Variants in VGLL4 observed in about 807,000 individuals in gnomAD.
The protein encoded by VGLL4 is vestigial like family member 4.
In VGLL4, 7 loss-of-function variants were observed where a neutral mutation model predicts 21.0. The observed-to-expected ratio is 0.33, with a 90% CI of 0.19 to 0.63. The LOEUF (loss-of-function observed/expected upper bound fraction) is 0.63, where lower values mean the gene tolerates loss of function less well. Among genes scored for constraint, VGLL4 ranks in the 20% least tolerant of loss-of-function variants. The pLI is 0.78. For missense variants in VGLL4, 394 were observed against 425.7 expected (o/e 0.93, Z 0.66); for synonymous variants, 222 against 173.2 (o/e 1.28, Z -2.21).
chr3:11,558,432 G>A lies in VGLL4; in HGVS notation c.*124C>T. 2.2e-6 allele frequency: 3 copies of A among 1,393,704 alleles called. No individual in the cohort carries two copies. Among genetic ancestry groups the A allele is most frequent in the Non-Finnish European group, 9.5e-7 (1 of 1,055,152 alleles). The allele number at this position is 1,393,704 out of a possible 1,614,324, so 86.3% of individuals were successfully genotyped here. ...CACAAATCCCAACAACATGGTTTTT[G>A]CAAATAAACCATCCCTTCCCTTCCC... On this transcript the variant is annotated 3_prime_UTR_variant, in exon 5 of 5. Transcript: ENST00000430365.
At chr3:11,621,534 C>A (rs1197391019) in intron 1 of VGLL4, among the ~76,000 whole-genome samples, 1 of 152,218 alleles carries the variant, frequency 6.6e-6, no homozygotes, top group Non-Finnish European at 1.5e-5. Context: ...AATAATATTT[C>A]ATCGTATGGA....
chr3:11,638,095 A>G (rs184253326), intron 1 of VGLL4, among the ~76,000 whole-genome samples: 279 of 152,338 alleles, frequency 1.8e-3, no homozygotes, highest in Middle Eastern at 6.8e-3. Context: ...GAAAAAATCC[A>G]GTTTTCTGCA....
intron 1 of VGLL4, among the ~76,000 whole-genome samples, chr3:11,706,365 G>T (rs887481272): frequency 6.6e-6 from 1 of 152,198 alleles, no homozygotes; most frequent in Non-Finnish European, 1.5e-5. Flanking sequence ...TCAGCAAAGT[G>T]CCCAGAAAAG....
At chr3:11,638,648 C>T (rs957150861) in intron 1 of VGLL4, among the ~76,000 whole-genome samples, 1 of 152,214 alleles carries the variant, frequency 6.6e-6, no homozygotes, top group Middle Eastern at 3.4e-3. Flanking sequence ...TGTTCTACCT[C>T]GGAATACATC....
chr3:11,583,157 T>C (rs545078534), intron 2 of VGLL4, among the ~76,000 whole-genome samples: 1 of 152,322 alleles, frequency 6.6e-6, no homozygotes, highest in Non-Finnish European at 1.5e-5. Context: ...AACAAGACCC[T>C]GATATACCCA....
chr3:11,627,580 A>C (rs1465938603), intron 1 of VGLL4, among the ~76,000 whole-genome samples: 1 of 134,602 alleles, frequency 7.4e-6, no homozygotes, highest in East Asian at 2.1e-4. Context: ...GAGTGACAAG[A>C]GTGAAACTTC....
intron 2 of VGLL4, among the ~76,000 whole-genome samples, chr3:11,654,396 C>G (rs2075925688): frequency 6.6e-6 from 1 of 152,174 alleles, no homozygotes; most frequent in Admixed American, 6.5e-5. Flanking sequence ...AAGCAGGCTC[C>G]TTGGCTCCTC....
Position 11,585,893 on chromosome 3 carries a change from C to G in VGLL4, c.272+15940G>C, listed in dbSNP as rs115085350. On this transcript the variant is annotated intron_variant, in intron 2 of 4. Coordinates refer to ENST00000430365, the MANE Select transcript of VGLL4 (RefSeq NM_001128219.3). ...CTTTATCATATACAACGTCACCCCT[C>G]CCAGTGCTGATGGACAGGCGACCCC... Among the ~76,000 whole-genome samples the G allele has an allele frequency of 6.1e-3, 930 of 152,248 alleles. 10 individuals are homozygous for G. The highest frequency in any genetic ancestry group is 0.022 in the African/African-American group (899 of 41,546).
At chr3:11,615,562 T>C (rs2075146483) in intron 1 of VGLL4, among the ~76,000 whole-genome samples, 1 of 152,236 alleles carries the variant, frequency 6.6e-6, no homozygotes, top group African/African-American at 2.4e-5. Context: ...CCTTGCTCTG[T>C]TAGAAACAAG....
intron 1 of VGLL4, among the ~76,000 whole-genome samples, chr3:11,713,775 A>G (rs77565231): frequency 0.019 from 2,857 of 151,936 alleles, 103 homozygotes; most frequent in East Asian, 0.12. Context: ...GTATAGCAGG[A>G]ACAGGTAACC....
intron 3 of VGLL4, 86 bp downstream of exon 3, chr3:11,564,711 T>TCCCACACCAC: frequency 7.2e-7 from 1 of 1,380,782 alleles, no homozygotes; most frequent in Non-Finnish European, 9.8e-7. Flanking sequence ...ACCACCGCCC[T>TCCCACACCAC]CGGAGTCCTC....
chr3:11,582,925 C>G (rs890565741), intron 2 of VGLL4, among the ~76,000 whole-genome samples: 23 of 152,198 alleles, frequency 1.5e-4, no homozygotes. Context: ...CAGGCTGCCA[C>G]AGATGGTGAC....
chr3:11,573,348 AAAGAAAGAAAG>A (rs2073922937), intron 2 of VGLL4, among the ~76,000 whole-genome samples: 1 of 97,298 alleles, frequency 1.0e-5, no homozygotes, highest in African/African-American at 3.3e-5. Context: ...AGAAAGAAAG[AAAGAAAGAAAG>A]AAAGAAAGAA....
intron 1 of VGLL4, among the ~76,000 whole-genome samples, chr3:11,716,604 C>G (rs1401473768): frequency 6.6e-6 from 1 of 152,146 alleles, no homozygotes; most frequent in East Asian, 1.9e-4. Context: ...GGCTATTAGA[C>G]CTGAGGCATG....
In VGLL4 at chr3:11,568,513, G is replaced by A. The variant is rs977358512; in HGVS notation, c.273-3494C>T. The A allele has an allele frequency of 1.4e-5, 21 of 1,496,158 alleles. No homozygotes were observed. Among genetic ancestry groups the A allele is most frequent in the Non-Finnish European group, 1.7e-5 (19 of 1,097,494 alleles). 92.7% of individuals were successfully genotyped at this position (1,496,158 alleles called of 1,614,324 possible). A position where few individuals can be genotyped will look rare whatever the true frequency, so the allele number is the denominator to read the frequency against. The stretch of plus-strand genomic sequence containing the variant: ...GACAGTCCGTGGAACACAGCACAGT[G>A]GGCACTATGGGTCAGACAAAGACAC... On this transcript the variant is annotated intron_variant, in intron 2 of 4. Transcript: ENST00000430365. The surrounding 1 kb of genome is among the most constrained non-coding windows in gnomAD (Gnocchi z 5.9).
chr3:11,671,274 C>G (rs1188503370), intron 2 of VGLL4: 2 of 1,597,524 alleles, frequency 1.3e-6, no homozygotes, highest in Non-Finnish European at 1.7e-6. Context: ...TGGTGCAGAC[C>G]TGGATGTCTC....
intron 2 of VGLL4, among the ~76,000 whole-genome samples, chr3:11,592,513 T>C (rs2074524327): frequency 6.6e-6 from 1 of 151,904 alleles, no homozygotes; most frequent in Non-Finnish European, 1.5e-5. Flanking sequence ...CCCTCCATCC[T>C]CCTTTGTGTG....
chr3:11,559,488 C>A (rs767436953), intron 3 of VGLL4, 33 bp from the exon 4 acceptor site: 2 of 1,524,460 alleles, frequency 1.3e-6, no homozygotes, highest in Non-Finnish European at 1.8e-6. Flanking sequence ...TATGTGGAGA[C>A]CAGCTTCAGT....
intron 2 of VGLL4, among the ~76,000 whole-genome samples, chr3:11,574,916 A>G (rs2073990916): frequency 6.6e-6 from 1 of 151,854 alleles, no homozygotes; most frequent in South Asian, 2.1e-4. Flanking sequence ...TTATGCGCCT[A>G]CATACAAAAG....
Sources: gnomAD v4.1 joint callset for allele counts (sites outside exome capture counted in the v4.1 genomes callset) on GRCh38, gnomAD v4.1.1 for gene constraint, Gnocchi (gnomAD v3.1) non-coding constraint, MANE v1.5 for transcripts, NCBI Gene and HGNC (gene_info 2026-07-23, HGNC 2026-07-21) for gene names.